The following SPINK5 variants were observed in gnomAD, a reference collection of about 807,000 sequenced individuals.
SPINK5 encodes serine peptidase inhibitor Kazal type 5.
A neutral mutation model predicts 151.8 loss-of-function variants in SPINK5; 125 were observed. The ratio of observed to expected loss-of-function variants is 0.82; its 90% CI spans 0.71 to 0.96. SPINK5 has a LOEUF of 0.96. Among genes scored for constraint, SPINK5 ranks in the 40% least tolerant of loss-of-function variants. The pLI is 0.00. For synonymous variants in SPINK5, 374 were observed against 395.3 expected (o/e 0.95, Z 0.64); for missense variants, 1,194 against 1,291.9 (o/e 0.92, Z 1.16).
chr5:148,086,283 A>G, intron 4 of SPINK5, 122 bp from the exon 5 acceptor site: 1 of 1,212,012 alleles, frequency 8.3e-7, no homozygotes, highest in Non-Finnish European at 1.2e-6. Context: ...TGTAGCCTTC[A>G]TGATATGTTT....
chr5:148,077,484 T>C (rs1304959088), intron 4 of SPINK5, among the ~76,000 whole-genome samples: 19 of 150,978 alleles, frequency 1.3e-4, no homozygotes, highest in Admixed American at 1.3e-3. Context: ...AGGAGGTCAT[T>C]TAGCTGAAAG....
At chr5:148,119,162 C>T in intron 24 of SPINK5, 104 bp downstream of exon 24, 2 of 1,149,860 alleles carry the variant, frequency 1.7e-6, no homozygotes, top group South Asian at 2.5e-5. Context: ...CTAGAGCTTG[C>T]CCTTAGAAGG....
At chr5:148,109,707 C>T (rs1862442) in intron 18 of SPINK5, among the ~76,000 whole-genome samples, 22,222 of 151,872 alleles carry the variant, frequency 0.15, 2,146 homozygotes, top group East Asian at 0.32. Context: ...TTTTGTCCTT[C>T]TGTGATTTAG....
At chr5:148,087,764 C>T (rs1753200691) in intron 5 of SPINK5, among the ~76,000 whole-genome samples, 1 of 151,744 alleles carries the variant, frequency 6.6e-6, no homozygotes, top group Non-Finnish European at 1.5e-5. Context: ...GTACTATGTA[C>T]TTTGTACTAT....
rs1383595280 is a variant in SPINK5, at chr5:148,114,484, A to C, written c.2010A>C (p.Ala670=). 1 of 1,613,310 alleles carries C rather than the reference A, an allele frequency of 6.2e-7. No individual in the cohort carries two copies. The change falls in exon 21 of 33, where the codon GCA becomes GCC. Residue 670 remains alanine (A), a synonymous_variant. Coordinates refer to ENST00000256084, the MANE Select transcript of SPINK5 (RefSeq NM_006846.4). ...GCAACAAGTGTGCCATGTGTAAGGCAGTCTTGTGAGTGCACAAAGAAAACC... is the reference window on the plus strand; with the variant it reads ...GCAACAAGTGTGCCATGTGTAAGGCCGTCTTGTGAGTGCACAAAGAAAACC... ...THGNKCAMCK[A]VFQKENEERK... is the part of the protein sequence containing the mutation.
rs199655861 is a variant in SPINK5, at chr5:148,131,238, C to T, written c.2965-21C>T. 17 of 1,613,424 alleles carry T rather than the reference C, an allele frequency of 1.1e-5. No individual in the cohort carries two copies. In the East Asian group the frequency reaches 3.8e-4, roughly 36 times the overall value. On this transcript the variant is annotated intron_variant, in intron 30 of 32. Coordinates refer to ENST00000256084, the MANE Select transcript of SPINK5 (RefSeq NM_006846.4). Reference sequence around the variant, plus strand: ...TCTTGAATGCCATAAAGTACGTCTGCTTTATTTTTTGCTTCTTCAGGATTC... The same window carrying T: ...TCTTGAATGCCATAAAGTACGTCTGTTTTATTTTTTGCTTCTTCAGGATTC...
rs73794676 is a variant in SPINK5 at position 148,113,157 on chromosome 5, A to G, written c.1887+223A>G. On this transcript the variant is annotated intron_variant, in intron 20 of 32. Coordinates refer to ENST00000256084, the MANE Select transcript of SPINK5 (RefSeq NM_006846.4). ...TACTCCACTTGGCTGTTGTGACTGT[A>G]AAACAGCCCTAGACTGTATACAAAC... Among the ~76,000 whole-genome samples the G allele has an allele frequency of 0.15, 23,198 of 152,056 alleles. 2,411 individuals carry two copies. The highest frequency in any genetic ancestry group is 0.32 in the East Asian group (1,653 of 5,154).
rs773053071 is a variant in SPINK5, at chr5:148,124,834, A to G, written c.2736A>G (p.Ala912=). 27 of 1,599,574 alleles carry G rather than the reference A, an allele frequency of 1.7e-5. No homozygotes were observed. Among genetic ancestry groups the G allele is most frequent in the Non-Finnish European group, 1.7e-6 (2 of 1,173,914 alleles). Residue 912 remains alanine (A), a synonymous_variant, in exon 28 of 33, where the codon GCA becomes GCG. Coordinates refer to ENST00000256084, the MANE Select transcript of SPINK5 (RefSeq NM_006846.4). Reference sequence around the variant, plus strand: ...CAAGTAGCAAGCCCTCAAATAATGCAAAGGTTATTTATTAAAGGATACCAA... The same window carrying G: ...CAAGTAGCAAGCCCTCAAATAATGCGAAGGTTATTTATTAAAGGATACCAA... ...EKSSSKPSNN[A]KDECSEFRNY...
At position 148,122,866 on chromosome 5, in the gene SPINK5, ATTTTT is replaced by A. The variant is rs111936279; in HGVS notation, c.2539-952_2539-948del. Among the ~76,000 whole-genome samples the A allele has an allele frequency of 7.8e-3, 999 of 127,808 alleles. 10 individuals are homozygous for A. Among genetic ancestry groups the A allele is most frequent in the African/African-American group, 0.027 (904 of 33,694 alleles). The allele number at this position is 127,808 out of a possible 152,430, so 83.8% of individuals were successfully genotyped here. A position where few individuals can be genotyped will look rare whatever the true frequency, so the allele number is the denominator to read the frequency against. On this transcript the variant is annotated intron_variant, in intron 26 of 32. Coordinates refer to ENST00000256084, the MANE Select transcript of SPINK5 (RefSeq NM_006846.4). ...ACACGATAAAGCACCTCGCACAATA[ATTTTT>A]TTTTTTTTTTTTTTGGTAAATTGTG...
At chr5:148,095,997 C>A in intron 10 of SPINK5, 92 bp downstream of exon 10, 1 of 983,804 alleles carries the variant, frequency 1.0e-6, no homozygotes, top group Non-Finnish European at 1.6e-6. Flanking sequence ...TATGCACTTT[C>A]AATATTGTTT....
chr5:148,105,742 T>C (rs1381163515), intron 16 of SPINK5, among the ~76,000 whole-genome samples: 1 of 151,756 alleles, frequency 6.6e-6, no homozygotes, highest in East Asian at 1.9e-4. Flanking sequence ...TCAGCCTCTC[T>C]AATAGCTGGG....
intron 28 of SPINK5, 57 bp from the exon 29 acceptor site, chr5:148,125,666 A>C: frequency 6.2e-7 from 1 of 1,614,174 alleles, no homozygotes; most frequent in Non-Finnish European, 8.5e-7. Context: ...AGTTTGAAGA[A>C]ATCACTAAGC....
intron 4 of SPINK5, among the ~76,000 whole-genome samples, chr5:148,079,576 C>T (rs988880280): frequency 2.0e-5 from 3 of 151,148 alleles, no homozygotes; most frequent in African/African-American, 7.2e-5. Flanking sequence ...AGAATTATCC[C>T]AAGAAAGCAA....
At position 148,123,391 on chromosome 5, in the gene SPINK5, T is replaced by TAG. The variant is rs1157378568; in HGVS notation, c.2539-441_2539-440insGA. Among the ~76,000 whole-genome samples the TAG allele has an allele frequency of 8.3e-5, 9 of 108,688 alleles. No homozygotes were observed. The South Asian group carries it at 8.4e-4, about 10-fold the overall frequency. 71.3% of individuals were successfully genotyped at this position (108,688 alleles called of 152,430 possible). A position where few individuals can be genotyped will look rare whatever the true frequency, so the allele number is the denominator to read the frequency against. ...ATTATATACATAACAAGATTATATATATATATAGATAGATATAATATATTA... is the reference window on the plus strand; with the variant it reads ...ATTATATACATAACAAGATTATATATAGATATATAGATAGATATAATATATTA... On this transcript the variant is annotated intron_variant, in intron 26 of 32. Transcript: ENST00000256084.
intron 30 of SPINK5, among the ~76,000 whole-genome samples, chr5:148,127,883 A>G (rs146300540): frequency 5.9e-5 from 9 of 152,158 alleles, no homozygotes; most frequent in Middle Eastern, 3.4e-3. Context: ...CTCGTAGCTG[A>G]TGGTCACCAG....
chr5:148,111,843 G>A lies in SPINK5; in HGVS notation c.1768G>A (p.Gly590Ser), dbSNP rs1348584995. 1 of 1,614,000 alleles carries A rather than the reference G, an allele frequency of 6.2e-7. No individual in the cohort carries two copies. Among genetic ancestry groups the A allele is most frequent in the Admixed American group, 1.7e-5 (1 of 59,992 alleles). ...PCTRENDPIE[G>S]LDGKIHGNTC... ...TACCAGAGAGAATGATCCTATTGAG[G>A]GTCTAGATGGGAAAATCCACGGCAA... is the stretch of plus-strand genomic sequence containing the variant. The change falls in exon 19 of 33, where the codon GGT becomes AGT. Residue 590 changes from glycine (G) to serine (S), a missense_variant. Gly to Ser is a moderately conservative substitution (Grantham distance 56). Transcript: ENST00000256084.
intron 7 of SPINK5, 113 bp from the exon 8 acceptor site, chr5:148,091,051 AG>A: frequency 1.1e-6 from 1 of 878,444 alleles, no homozygotes; most frequent in South Asian, 1.4e-5. Flanking sequence ...CTCTTGTAAG[AG>A]GATCATTTTC....
chr5:148,115,880 G>T (rs1754073588), intron 21 of SPINK5, among the ~76,000 whole-genome samples: 1 of 149,930 alleles, frequency 6.7e-6, no homozygotes, highest in Non-Finnish European at 1.5e-5. Flanking sequence ...GAAGTGCAGT[G>T]GTGTGATCTC....
At chr5:148,123,384 T>TTA (rs72219001) in intron 26 of SPINK5, among the ~76,000 whole-genome samples, 26 of 129,744 alleles carry the variant, frequency 2.0e-4, no homozygotes, top group African/African-American at 6.1e-4. Flanking sequence ...CATAACAAGA[T>TTA]TATATATATA....
Sources: gnomAD v4.1 joint callset for allele counts (sites outside exome capture counted in the v4.1 genomes callset) on GRCh38, gnomAD v4.1.1 for gene constraint, MANE v1.5 for transcripts, NCBI Gene and HGNC (gene_info 2026-07-23, HGNC 2026-07-21) for gene names.